The following MYO1G variants were observed in gnomAD, a reference collection of about 807,000 sequenced individuals.
MYO1G encodes unconventional myosin-Ig.
A neutral mutation model predicts 115.3 loss-of-function variants in MYO1G; 65 were observed. The ratio of observed to expected loss-of-function variants is 0.56; its 90% CI spans 0.46 to 0.69. MYO1G has a LOEUF of 0.69. MYO1G is among the 30% of genes least tolerant of loss of function. MYO1G has a pLI of 0.00. For missense variants in MYO1G, 1,204 were observed against 1,393.5 expected (o/e 0.86, Z 2.16); for synonymous variants, 510 against 552.6 (o/e 0.92, Z 1.08).
intron 3 of MYO1G, among the ~76,000 whole-genome samples, chr7:44,976,207 G>T (rs1795046711): frequency 6.6e-6 from 1 of 152,216 alleles, no homozygotes; most frequent in Non-Finnish European, 1.5e-5. Flanking sequence ...GCCAGGGCCT[G>T]CCAGCTTCTC....
intron 7 of MYO1G, 26 bp downstream of exon 7, chr7:44,971,647 C>T: frequency 6.6e-7 from 1 of 1,514,542 alleles, no homozygotes; most frequent in Non-Finnish European, 9.0e-7. Flanking sequence ...GGAAGTAGCC[C>T]TCCCAGGCTT....
chr7:44,966,377 A>G lies in MYO1G; in HGVS notation c.1950-97T>C, dbSNP rs1794844643. On this transcript the variant is annotated intron_variant, in intron 15 of 21. Transcript: ENST00000258787. The surrounding 1 kb of genome is among the most constrained non-coding windows in gnomAD (Gnocchi z 5.0). ...ACACCTGGGGAGATGGCAGGGATAC[A>G]GAGTGTGTTCCTGGAGCACTTATGA... 8.8e-7 allele frequency: 1 copy of G among 1,134,742 alleles called. No individual in the cohort carries two copies. Among genetic ancestry groups the G allele is most frequent in the African/African-American group, 1.5e-5 (1 of 65,176 alleles). 70.3% of individuals were successfully genotyped at this position (1,134,742 alleles called of 1,614,324 possible).
chr7:44,964,502 T>C lies in MYO1G; in HGVS notation c.2544A>G (p.Thr848=). The part of the protein sequence containing the change: ...DYLSSATDNP[T]ASSLFAQRLK... Reference sequence around the variant, plus strand: ...GTCGCTGAGCAAACAGGCTTGATGCTGTGGGATTGTCAGTGGCCTGAGGAC... The same window carrying C: ...GTCGCTGAGCAAACAGGCTTGATGCCGTGGGATTGTCAGTGGCCTGAGGAC... The change falls in exon 19 of 22, where the codon ACA becomes ACG. Residue 848 remains threonine (T), a synonymous_variant. Coordinates refer to ENST00000258787, the MANE Select transcript of MYO1G (RefSeq NM_033054.3). The surrounding 1 kb of genome is among the most constrained non-coding windows in gnomAD (Gnocchi z 5.1). The C allele has an allele frequency of 6.2e-7, 1 of 1,613,854 alleles. No homozygotes were observed. Among genetic ancestry groups the C allele is most frequent in the Non-Finnish European group, 8.5e-7 (1 of 1,179,828 alleles).
chr7:44,975,223 C>T lies in MYO1G; in HGVS notation c.569G>A (p.Arg190Gln), dbSNP rs777917603. ...HIHSYLLEKS[R>Q]VLKQHVGERN... ...TTCACCCACGTGCTGCTTGAGGACCCGAGACTGAGGAGAGAGGGGCAGATG... is the reference window on the plus strand; with the variant it reads ...TTCACCCACGTGCTGCTTGAGGACCTGAGACTGAGGAGAGAGGGGCAGATG... Residue 190 changes from arginine to glutamine, a missense_variant, in exon 5 of 22, where the codon CGG (arginine) becomes CAG (glutamine). By Grantham distance (43) the Arg-to-Gln change is conservative (BLOSUM62 1). Transcript: ENST00000258787. The T allele has an allele frequency of 1.3e-5, 21 of 1,613,890 alleles. No homozygotes were observed. The highest frequency in any genetic ancestry group is 1.7e-5 in the Non-Finnish European group (20 of 1,179,976).
At chr7:44,970,332 C>G (rs549514569) in intron 9 of MYO1G, among the ~76,000 whole-genome samples, 178 bp from the exon 10 acceptor site, 1 of 152,312 alleles carries the variant, frequency 6.6e-6, no homozygotes, top group Admixed American at 6.5e-5. Context: ...CCCACCCACA[C>G]CTCCTGCATG....
Position 44,970,147 on chromosome 7 carries a change from G to T in MYO1G, c.1225C>A (p.Gln409Lys). 6.2e-7 allele frequency: 1 copy of T among 1,612,724 alleles called. No individual in the cohort carries two copies. Among genetic ancestry groups the T allele is most frequent in the Non-Finnish European group, 8.5e-7 (1 of 1,179,030 alleles). The change falls in exon 10 of 22, where the codon CAG becomes AAG. Residue 409 changes from glutamine (Q) to lysine (K), a missense_variant. Coordinates refer to ENST00000258787, the MANE Select transcript of MYO1G (RefSeq NM_033054.3). ...TCGTTGCAGTAGTTGATGCAGAACTGCTCGAAACTGGGGGTGGGGTGGGCC... is the reference window on the plus strand; with the variant it reads ...TCGTTGCAGTAGTTGATGCAGAACTTCTCGAAACTGGGGGTGGGGTGGGCC... ...FEVFPVNSFE[Q>K]FCINYCNEKL...
chr7:44,976,743 G>A (rs1405572285), intron 2 of MYO1G, 86 bp from the exon 3 acceptor site: 3 of 1,578,912 alleles, frequency 1.9e-6, no homozygotes, highest in East Asian at 2.2e-5. Flanking sequence ...CCCAAGACTG[G>A]CAAGATGGGG....
At chr7:44,977,205 A>G (rs1583798104) in intron 1 of MYO1G, 134 bp from the exon 2 acceptor site, 3 of 788,422 alleles carry the variant, frequency 3.8e-6, no homozygotes, top group Non-Finnish European at 2.0e-6. Flanking sequence ...TGGAGAAGGA[A>G]GAAGGGGGCA....
chr7:44,975,089 G>A (rs1795023726), intron 5 of MYO1G, 85 bp downstream of exon 5: 2 of 1,403,506 alleles, frequency 1.4e-6, no homozygotes, highest in South Asian at 2.3e-5. Context: ...TTGGGGTAGT[G>A]ATGGAAGGGT....
chr7:44,976,605 G>A lies in MYO1G; in HGVS notation c.357C>T (p.Ile119=), dbSNP rs1408699853. 6 of 1,613,996 alleles carry A rather than the reference G, an allele frequency of 3.7e-6. No individual in the cohort carries two copies. The highest frequency in any genetic ancestry group is 2.7e-5 in the African/African-American group (2 of 74,916). Residue 119 remains isoleucine (I), a synonymous_variant, in exon 3 of 22, where the codon ATC becomes ATT. Coordinates refer to ENST00000258787, the MANE Select transcript of MYO1G (RefSeq NM_033054.3). ...TEASKHIMQY[I]AAVTNPSQRA... Reference sequence around the variant, plus strand: ...TCTGGCTTGGATTGGTGACAGCAGCGATGTACTGCATGATGTGCTTACTGG... The same window carrying A: ...TCTGGCTTGGATTGGTGACAGCAGCAATGTACTGCATGATGTGCTTACTGG...
In MYO1G at chr7:44,962,884, G is replaced by C. The variant is rs1451229061; in HGVS notation, c.2912C>G (p.Thr971Ser). The change falls in exon 22 of 22, where the codon ACC (threonine) becomes AGC (serine). Residue 971 changes from threonine to serine, a missense_variant. By Grantham distance (58) the Thr-to-Ser change is moderately conservative (BLOSUM62 1). Transcript: ENST00000258787. This position sits in a 1 kb window ranked among gnomAD's most constrained non-coding sequence, Gnocchi z 5.3. ...GCAGTCGGAGACGCGAACCTCCAGGGTGCGGCCCTCCCTGCGGCAGGAGGA... is the reference window on the plus strand; with the variant it reads ...GCAGTCGGAGACGCGAACCTCCAGGCTGCGGCCCTCCCTGCGGCAGGAGGA... The part of the protein sequence containing the change: ...LAAHCQGEGR[T>S]LEVRVSDCIP... 6.7e-7 allele frequency: 1 copy of C among 1,493,058 alleles called. No individual in the cohort carries two copies. The highest frequency in any genetic ancestry group is 8.9e-7 in the Non-Finnish European group (1 of 1,123,230). The allele number at this position is 1,493,058 out of a possible 1,614,324, so 92.5% of individuals were successfully genotyped here.
rs1438782117 is a variant in MYO1G at position 44,969,936 on chromosome 7, C to A, written c.1333-61G>T. On this transcript the variant is annotated intron_variant, in intron 10 of 21. Transcript: ENST00000258787. This position sits in a 1 kb window ranked among gnomAD's most constrained non-coding sequence, Gnocchi z 5.0. ...GTCTTTCAGGCCACCTCCCCTCCTC[C>A]GCCCCACACTCAGCCACCTGTCAGG... 2 of 1,584,872 alleles carry A rather than the reference C, an allele frequency of 1.3e-6. No individual in the cohort carries two copies. Among genetic ancestry groups the A allele is most frequent in the Non-Finnish European group, 1.7e-6 (2 of 1,163,626 alleles).
In MYO1G at chr7:44,969,717, G is replaced by A; in HGVS notation, c.1491C>T (p.Tyr497=). 6.2e-7 allele frequency: 1 copy of A among 1,611,596 alleles called. No homozygotes were observed. The highest frequency in any genetic ancestry group is 8.5e-7 in the Non-Finnish European group (1 of 1,179,930). Residue 497 remains tyrosine, a synonymous_variant, in exon 11 of 22, where the codon TAC becomes TAT. Transcript: ENST00000258787. The surrounding 1 kb of genome is among the most constrained non-coding windows in gnomAD (Gnocchi z 5.0). ...LDMHHRHHLH[Y]TSRQLCPTDK... is the part of the protein sequence containing the mutation. The stretch of plus-strand genomic sequence containing the variant: ...CAGCCGGGGGCACCTGGCGGCTGGT[G>A]TAGTGTAGGTGATGGCGGTGGTGCA...
chr7:44,963,796 T>G lies in MYO1G; in HGVS notation c.2745+253A>C. 1.0e-5 allele frequency: 5 copies of G among 480,014 alleles called. No individual in the cohort carries two copies. Among genetic ancestry groups the G allele is most frequent in the East Asian group, 7.0e-5 (2 of 28,484 alleles). 29.7% of individuals were successfully genotyped at this position (480,014 alleles called of 1,614,324 possible). On this transcript the variant is annotated intron_variant, in intron 20 of 21. Coordinates refer to ENST00000258787, the MANE Select transcript of MYO1G (RefSeq NM_033054.3). The surrounding 1 kb of genome is among the most constrained non-coding windows in gnomAD (Gnocchi z 4.1). ...GGGCACAAGTTGGAAGAGGGGACCA[T>G]TTGGCTTGGCTAGAGTGTGAGAGTG...
In MYO1G at chr7:44,963,116, C is replaced by G. The variant is rs540328955; in HGVS notation, c.2754G>C (p.Gly918=). The G allele has an allele frequency of 8.8e-6, 13 of 1,482,396 alleles. No homozygotes were observed. The East Asian group carries it at 3.6e-4, about 41-fold the overall frequency. The allele number at this position is 1,482,396 out of a possible 1,614,324, so 91.8% of individuals were successfully genotyped here. A position where few individuals can be genotyped will look rare whatever the true frequency, so the allele number is the denominator to read the frequency against. ...GGTCTCCTCCGCTGGTCACGCTCAGCCCCGTCACCTGAGCGGAGCGCGGGG... is the reference window on the plus strand; with the variant it reads ...GGTCTCCTCCGCTGGTCACGCTCAGGCCCGTCACCTGAGCGGAGCGCGGGG... ...MRAVPLEAVT[G]LSVTSGGDQL... Residue 918 remains glycine (G), a synonymous_variant, in exon 21 of 22, where the codon GGG becomes GGC. Transcript: ENST00000258787. The surrounding 1 kb of genome is among the most constrained non-coding windows in gnomAD (Gnocchi z 4.1).
At chr7:44,971,274 C>T (rs1255566784) in intron 7 of MYO1G, among the ~76,000 whole-genome samples, 1 of 146,634 alleles carries the variant, frequency 6.8e-6, no homozygotes, top group East Asian at 1.9e-4. Context: ...GCCAAGGCCT[C>T]GAGGCCTCGA....
Position 44,969,646 on chromosome 7 carries a change from G to A in MYO1G, c.1503+59C>T. 8 of 1,597,672 alleles carry A rather than the reference G, an allele frequency of 5.0e-6. No individual in the cohort carries two copies. Among genetic ancestry groups the A allele is most frequent in the Non-Finnish European group, 6.8e-6 (8 of 1,170,640 alleles). Reference sequence around the variant, plus strand: ...GGCCCCACGAGGCATGGGCAGCATGGTGCCTGTGGGGCAGGTCCCACCAGC... The same window carrying A: ...GGCCCCACGAGGCATGGGCAGCATGATGCCTGTGGGGCAGGTCCCACCAGC... On this transcript the variant is annotated intron_variant, in intron 11 of 21. Coordinates refer to ENST00000258787, the MANE Select transcript of MYO1G (RefSeq NM_033054.3). The surrounding 1 kb of genome is among the most constrained non-coding windows in gnomAD (Gnocchi z 5.0).
At position 44,972,196 on chromosome 7, in the gene MYO1G, C is replaced by A. The variant is rs763297860; in HGVS notation, c.648G>T (p.Leu216=). The A allele has an allele frequency of 6.2e-6, 10 of 1,613,936 alleles. No homozygotes were observed. The highest frequency in any genetic ancestry group is 8.5e-6 in the Non-Finnish European group (10 of 1,179,980). Residue 216 remains leucine, a synonymous_variant, in exon 6 of 22, where the codon CTG becomes CTT. Transcript: ENST00000258787. ...GGTTTCTCTCCAAGTGCAGTTCATG[C>A]AGCTGCTTGTCCTCACTGCCTCTCA... ...QLLRGSEDKQ[L]HELHLERNPA... is the part of the protein sequence containing the mutation.
rs1329257871 is a variant in MYO1G at position 44,966,340 on chromosome 7, C to A, written c.1950-60G>T. 1 of 1,420,806 alleles carries A rather than the reference C, an allele frequency of 7.0e-7. No individual in the cohort carries two copies. Among genetic ancestry groups the A allele is most frequent in the Non-Finnish European group, 9.6e-7 (1 of 1,037,108 alleles). The allele number at this position is 1,420,806 out of a possible 1,614,324, so 88.0% of individuals were successfully genotyped here. A position where few individuals can be genotyped will look rare whatever the true frequency, so the allele number is the denominator to read the frequency against. The stretch of plus-strand genomic sequence containing the variant: ...CTGGGGGAGAGATGATGGAGCCCAC[C>A]CTGCCCACCCCACACCTGGGGAGAT... On this transcript the variant is annotated intron_variant, in intron 15 of 21. Transcript: ENST00000258787. This position sits in a 1 kb window ranked among gnomAD's most constrained non-coding sequence, Gnocchi z 5.0.
Sources: allele counts gnomAD v4.1 joint callset (sites outside exome capture counted in the v4.1 genomes callset), GRCh38; gene constraint gnomAD v4.1.1; non-coding constraint Gnocchi (gnomAD v3.1); transcripts MANE v1.5; gene names NCBI Gene and HGNC (gene_info 2026-07-23, HGNC 2026-07-21).